IGF2R: variants seen among roughly 807,000 people sequenced by gnomAD.
IGF2R encodes the protein insulin like growth factor 2 receptor.
IGF2R carries 91 observed loss-of-function variants against 270.6 expected under a neutral mutation model. That is an observed-to-expected ratio of 0.34 (90% CI 0.28 to 0.40). The LOEUF (loss-of-function observed/expected upper bound fraction) is 0.40, where lower values mean the gene tolerates loss of function less well. Ranked by LOEUF, IGF2R falls within the 10% of genes least tolerant of loss-of-function variation. The pLI, the probability that IGF2R is intolerant of heterozygous loss-of-function variation, is 1.00. For missense variants in IGF2R, 2,805 were observed against 3,188.3 expected (o/e 0.88, Z 2.90); for synonymous variants, 1,316 against 1,258.9 (o/e 1.05, Z -0.96).
chr6:160,086,819 G>A (rs1379461421), intron 41 of IGF2R, among the ~76,000 whole-genome samples: 1 of 152,112 alleles, frequency 6.6e-6, no homozygotes, highest in Non-Finnish European at 1.5e-5. Context: ...GAAAACACTC[G>A]GGAAGTGAGC....
Position 160,032,963 on chromosome 6 carries a change from G to A in IGF2R, c.1067G>A (p.Gly356Glu). ...TTAGGTTCATCCTATATTTCAGATGGAAAAGAATATTTGTTTTATTTGAAT... is the reference window on the plus strand; with the variant it reads ...TTAGGTTCATCCTATATTTCAGATGAAAAAGAATATTTGTTTTATTTGAAT... ...QSGGSSYISD[G>E]KEYLFYLNVC... Residue 356 changes from glycine (G) to glutamate (E), a missense_variant, in exon 9 of 48, where the codon GGA (glycine) becomes GAA (glutamate). Physicochemically the swap from Gly to Glu is moderately conservative, Grantham distance 98. Coordinates refer to ENST00000356956, the MANE Select transcript of IGF2R (RefSeq NM_000876.4). 6.3e-7 allele frequency: 1 copy of A among 1,599,840 alleles called. No individual in the cohort carries two copies. Among genetic ancestry groups the A allele is most frequent in the Non-Finnish European group, 8.6e-7 (1 of 1,167,672 alleles).
At chr6:160,000,167 T>C (rs1296407904) in intron 2 of IGF2R, among the ~76,000 whole-genome samples, 1 of 152,228 alleles carries the variant, frequency 6.6e-6, no homozygotes, top group Non-Finnish European at 1.5e-5. Flanking sequence ...GGATTAGTCC[T>C]TTCTCACATT....
chr6:160,078,093 T>G, intron 36 of IGF2R, 108 bp from the exon 37 acceptor site: 7 of 1,085,132 alleles, frequency 6.5e-6, no homozygotes, highest in Non-Finnish European at 9.5e-6. Flanking sequence ...CCCTTCCCTC[T>G]GAGAGGCCGC....
chr6:160,070,507 T>C (rs1338767503), intron 31 of IGF2R, among the ~76,000 whole-genome samples: 1 of 152,220 alleles, frequency 6.6e-6, no homozygotes, highest in African/African-American at 2.4e-5. Context: ...ATACTTGTCC[T>C]GCCCATTGCA....
rs754851400 is a variant in IGF2R at position 160,033,110 on chromosome 6, A to T, written c.1211+3A>T. 6.2e-7 allele frequency: 1 copy of T among 1,607,964 alleles called. No individual in the cohort carries two copies. The highest frequency in any genetic ancestry group is 1.1e-5 in the South Asian group (1 of 90,708). On this transcript the variant is annotated splice_donor_region_variant and intron_variant, in intron 9 of 47. Coordinates refer to ENST00000356956, the MANE Select transcript of IGF2R (RefSeq NM_000876.4). ...AGATACCACAATCAGACCCTCCGGT[A>T]CGTCAACAACCTCTGTGCGATTTTC... is the stretch of plus-strand genomic sequence containing the variant.
chr6:160,041,381 G>T (rs1429068633), intron 11 of IGF2R, among the ~76,000 whole-genome samples: 1 of 152,148 alleles, frequency 6.6e-6, no homozygotes, highest in African/African-American at 2.4e-5. Context: ...ACCCAGAACA[G>T]TCACAGAACT....
chr6:160,057,263 C>T (rs1778336336), intron 20 of IGF2R, among the ~76,000 whole-genome samples: 1 of 152,246 alleles, frequency 6.6e-6, no homozygotes, highest in South Asian at 2.1e-4. Context: ...TGAGTGCACC[C>T]TGCAGGGCAT....
In IGF2R at chr6:160,046,525, C is replaced by A. The variant is rs1410614111; in HGVS notation, c.1931C>A (p.Thr644Lys). ...TTTTCTTTTGACTTATCACCTCTCACAAAGAAAAATGGTGCCTATAAAGTT... is the reference window on the plus strand; with the variant it reads ...TTTTCTTTTGACTTATCACCTCTCAAAAAGAAAAATGGTGCCTATAAAGTT... ...AGFSFDLSPL[T>K]KKNGAYKVET... The change falls in exon 15 of 48, where the codon ACA (threonine) becomes AAA (lysine). Residue 644 changes from threonine to lysine, a missense_variant. By Grantham distance (78) the Thr-to-Lys change is moderately conservative (BLOSUM62 -1). Coordinates refer to ENST00000356956, the MANE Select transcript of IGF2R (RefSeq NM_000876.4). 1.9e-6 allele frequency: 3 copies of A among 1,611,250 alleles called. No homozygotes were observed. The Admixed American group carries it at 5.1e-5, about 27-fold the overall frequency.
At chr6:159,986,978 T>C (rs1245480152) in intron 1 of IGF2R, among the ~76,000 whole-genome samples, 1 of 152,230 alleles carries the variant, frequency 6.6e-6, no homozygotes, top group East Asian at 1.9e-4. Context: ...TCCTCAAAGA[T>C]ATCATTACAT....
chr6:159,990,903 C>T (rs1783968190), intron 1 of IGF2R, among the ~76,000 whole-genome samples: 1 of 152,322 alleles, frequency 6.6e-6, no homozygotes, highest in South Asian at 2.1e-4. Flanking sequence ...GCTGGGATTA[C>T]AGACGTGAGC....
Position 160,052,664 on chromosome 6 carries a change from T to C in IGF2R, c.2694+2012T>C, listed in dbSNP as rs550086297. ...AAAAAGAACAAAGCTGGAGGCATCA[T>C]GCTACCTGACTTCAAACTATGCTAC... On this transcript the variant is annotated intron_variant, in intron 19 of 47. Transcript: ENST00000356956. Among the ~76,000 whole-genome samples the C allele has an allele frequency of 3.3e-5, 5 of 152,282 alleles. No homozygotes were observed. The South Asian group carries it at 1.0e-3, about 32-fold the overall frequency.
rs1005146577 is a variant in IGF2R at position 160,027,279 on chromosome 6, G to A, written c.741G>A (p.Gln247=). The A allele has an allele frequency of 1.9e-6, 3 of 1,613,864 alleles. No homozygotes were observed. The highest frequency in any genetic ancestry group is 2.7e-5 in the African/African-American group (2 of 74,938). The change falls in exon 6 of 48, where the codon CAG becomes CAA. Residue 247 remains glutamine (Q), a synonymous_variant. Transcript: ENST00000356956. ...GACACCAGGCGTTTGATGTTGGCCAGCCCCGGGACGGACTGAAGCTGGTGC... is the reference window on the plus strand; with the variant it reads ...GACACCAGGCGTTTGATGTTGGCCAACCCCGGGACGGACTGAAGCTGGTGC... ...VRGHQAFDVG[Q]PRDGLKLVRK... is the part of the protein sequence containing the mutation.
At chr6:159,969,495 G>A in intron 1 of IGF2R, 100 bp downstream of exon 1, 1 of 912,140 alleles carries the variant, frequency 1.1e-6, no homozygotes, top group Non-Finnish European at 1.4e-6. Context: ...GGGTCTCCAA[G>A]TCGCCTCCGT....
intron 9 of IGF2R, 82 bp from the exon 10 acceptor site, chr6:160,034,337 C>A: frequency 1.2e-6 from 1 of 860,636 alleles, no homozygotes; most frequent in Non-Finnish European, 2.0e-6. Context: ...ACGCAAAAGG[C>A]TTAATGTAGA....
chr6:160,033,367 C>A (rs889680918), intron 9 of IGF2R, among the ~76,000 whole-genome samples: 2 of 152,228 alleles, frequency 1.3e-5, no homozygotes, highest in Non-Finnish European at 2.9e-5. Flanking sequence ...GAAGTCCTTG[C>A]CTCGGTGATC....
intron 11 of IGF2R, among the ~76,000 whole-genome samples, chr6:160,042,545 C>T (rs765429898): frequency 6.6e-6 from 1 of 152,160 alleles, no homozygotes; most frequent in African/African-American, 2.4e-5. Context: ...TCAGCTGGTG[C>T]CCCCTCACGT....
At chr6:160,064,331 A>G (rs1169247433) in intron 27 of IGF2R, 70 bp from the exon 28 acceptor site, 8 of 1,574,430 alleles carry the variant, frequency 5.1e-6, no homozygotes, top group Non-Finnish European at 7.0e-6. Context: ...GTGGTGTCAC[A>G]TGTCTTAGGC....
At chr6:160,011,116 C>G (rs1784326536) in intron 4 of IGF2R, among the ~76,000 whole-genome samples, 1 of 152,188 alleles carries the variant, frequency 6.6e-6, no homozygotes, top group South Asian at 2.1e-4. Context: ...AGTATTCACT[C>G]TACCTGCAGG....
chr6:160,057,245 C>A (rs1778335751), intron 20 of IGF2R, among the ~76,000 whole-genome samples: 1 of 152,244 alleles, frequency 6.6e-6, no homozygotes, highest in African/African-American at 2.4e-5. Flanking sequence ...TCCATGCCCT[C>A]CACTTGTTGA....
Sources: allele counts gnomAD v4.1 joint callset (sites outside exome capture counted in the v4.1 genomes callset), GRCh38; gene constraint gnomAD v4.1.1; transcripts MANE v1.5; gene names NCBI Gene and HGNC (gene_info 2026-07-23, HGNC 2026-07-21).